Variants in HELZ observed in about 807,000 individuals in gnomAD.
HELZ encodes helicase with zinc finger.
A neutral mutation model predicts 218.2 loss-of-function variants in HELZ; 23 were observed. The observed-to-expected ratio is 0.11, with a 90% CI of 0.08 to 0.15. The LOEUF is 0.15. HELZ is among the 10% of genes least tolerant of loss of function. HELZ has a pLI of 1.00. For missense variants in HELZ, 1,813 were observed against 2,353.7 expected, an observed-to-expected ratio of 0.77 and a Z score of 4.75; for synonymous variants, 814 against 829.4, an observed-to-expected ratio of 0.98 and a Z score of 0.32.
upstream of HELZ, chr17:67,245,909 T>G (rs976013409): frequency 3.3e-5 from 5 of 152,048 alleles, no homozygotes; most frequent in Non-Finnish European, 7.3e-5. Context: ...GGAATGTGGC[T>G]CCAGGCTCCG....
chr17:67,142,343 C>T (rs2038352394), intron 21 of HELZ, among the ~76,000 whole-genome samples: 1 of 151,894 alleles, frequency 6.6e-6, no homozygotes, highest in Non-Finnish European at 1.5e-5. Context: ...TCCATCTCTA[C>T]AAAAAATACA....
chr17:67,167,514 T>C lies in HELZ; in HGVS notation c.1713A>G (p.Leu571=), dbSNP rs781626564. The part of the protein sequence containing the change: ...EKTKEYIFLR[L]SRECCEELNL... ...TAAGTTCTTCACAGCATTCCCTAGA[T>C]AGCCTTAAAAATATATATTCCTTTG... is the stretch of plus-strand genomic sequence containing the variant. Residue 571 remains leucine, a synonymous_variant, in exon 14 of 33, where the codon CTA becomes CTG. Transcript: ENST00000358691. The C allele has an allele frequency of 9.3e-6, 15 of 1,613,804 alleles. No individual in the cohort carries two copies. The highest frequency in any genetic ancestry group is 1.3e-5 in the African/African-American group (1 of 74,928).
chr17:67,176,934 G>A (rs1403200608), intron 13 of HELZ, among the ~76,000 whole-genome samples: 1 of 151,392 alleles, frequency 6.6e-6, no homozygotes, highest in Admixed American at 6.6e-5. Context: ...GGCTTTGAAA[G>A]CCTTCGCAAG....
intron 31 of HELZ, among the ~76,000 whole-genome samples, chr17:67,092,837 T>C (rs1459035791): frequency 6.7e-6 from 1 of 149,606 alleles, no homozygotes. Context: ...TGGTGGCGGG[T>C]GACTGTAATC....
chr17:67,200,035 C>G (rs1567885543), intron 7 of HELZ, among the ~76,000 whole-genome samples: 1 of 152,142 alleles, frequency 6.6e-6, no homozygotes, highest in African/African-American at 2.4e-5. Flanking sequence ...TGTTGTCTAT[C>G]TCCTTCCTAA....
intron 4 of HELZ, among the ~76,000 whole-genome samples, chr17:67,216,715 C>A (rs938307965): frequency 6.6e-6 from 1 of 152,146 alleles, no homozygotes; most frequent in Non-Finnish European, 1.5e-5. Flanking sequence ...CAGTGACCTC[C>A]ACTGCATCCA....
intron 5 of HELZ, among the ~76,000 whole-genome samples, chr17:67,205,273 C>G (rs545167810): frequency 6.6e-6 from 1 of 151,798 alleles, no homozygotes; most frequent in South Asian, 2.1e-4. Flanking sequence ...TTGCAGTGAG[C>G]CAAGATCGTA....
Position 67,237,948 on chromosome 17 carries a change from A to G in HELZ, c.-19+1485T>C, listed in dbSNP as rs554829332. 2.7e-5 allele frequency among the ~76,000 whole-genome samples: 4 copies of G among 149,914 alleles called. No homozygotes were observed. In the South Asian group the frequency reaches 6.3e-4, roughly 24 times the overall value. ...GGTTACAGTGAGCTGAGATCGCCCC[A>G]TTGCACTCCAGCCTGGGCAACAAAA... On this transcript the variant is annotated intron_variant, in intron 3 of 32. Coordinates refer to ENST00000358691, the MANE Select transcript of HELZ (RefSeq NM_014877.4).
intron 24 of HELZ, 138 bp downstream of exon 24, chr17:67,128,513 C>T: frequency 1.4e-6 from 1 of 732,404 alleles, no homozygotes; most frequent in South Asian, 1.6e-5. Flanking sequence ...ACTAAACAAG[C>T]TCCTTGCAGA....
At chr17:67,211,169 T>C (rs906597989) in intron 5 of HELZ, among the ~76,000 whole-genome samples, 5 of 152,168 alleles carry the variant, frequency 3.3e-5, no homozygotes, top group African/African-American at 9.7e-5. Context: ...TTTACTCTTA[T>C]TGAAGCAGAA....
rs749334847 is a variant in HELZ, at chr17:67,190,302, G to C, written c.611C>G (p.Ser204Cys). The C allele has an allele frequency of 1.2e-6, 2 of 1,613,930 alleles. No homozygotes were observed. Among genetic ancestry groups the C allele is most frequent in the Admixed American group, 3.3e-5 (2 of 60,014 alleles). The change falls in exon 10 of 33, where the codon TCC becomes TGC. Residue 204 changes from serine (S) to cysteine (C), a missense_variant. Physicochemically the swap from Ser to Cys is moderately radical, Grantham distance 112 (BLOSUM62 -1). Around this residue, in one of 4 missense-constraint regions of HELZ, gnomAD observed 714 missense variants for 1,029.2 expected, o/e 0.69. Transcript: ENST00000358691. ...RYGAQCTSAHSQEELAEWQKR... is the reference protein window; with the variant it reads ...RYGAQCTSAHCQEELAEWQKR... ...CTGCCATTCTGCTAGTTCTTCCTGG[G>C]AATGTGCTGAAGTACACTGGGCACC...
intron 5 of HELZ, among the ~76,000 whole-genome samples, chr17:67,209,426 C>T (rs374326946): frequency 2.0e-5 from 3 of 151,886 alleles, no homozygotes; most frequent in Non-Finnish European, 2.9e-5. Flanking sequence ...GGTGAAACCC[C>T]GTCACTACTA....
At chr17:67,084,144 C>T (rs895010057) in intron 32 of HELZ, among the ~76,000 whole-genome samples, 5 of 152,174 alleles carry the variant, frequency 3.3e-5, no homozygotes, top group Admixed American at 6.5e-5. Context: ...AGTTGTGCTT[C>T]AGGACACTCG....
chr17:67,156,981 TA>T (rs2038861698), intron 17 of HELZ, among the ~76,000 whole-genome samples: 1 of 152,254 alleles, frequency 6.6e-6, no homozygotes, highest in East Asian at 1.9e-4. Context: ...TGATGATAAG[TA>T]AGCTTTTGCT....
chr17:67,120,460 T>C lies in HELZ; in HGVS notation c.3783A>G (p.Ile1261Met), dbSNP rs371580061. The change falls in exon 27 of 33, where the codon ATA becomes ATG. Residue 1261 changes from isoleucine (I) to methionine (M), a missense_variant. Coordinates refer to ENST00000358691, the MANE Select transcript of HELZ (RefSeq NM_014877.4). ...CCTGATGCTGATTTTGTGGCTGGCC[T>C]ATGGTGACAGGTGGGTGATGTCCAA... ...YGLGHHPPVT[I>M]GQPQNQHQEK... is the part of the protein sequence containing the mutation. 2.7e-5 allele frequency: 43 copies of C among 1,613,948 alleles called. No homozygotes were observed. In the African/African-American group the frequency reaches 5.1e-4, roughly 19 times the overall value.
At chr17:67,137,831 C>T in intron 22 of HELZ, 100 bp downstream of exon 22, 1 of 866,374 alleles carries the variant, frequency 1.2e-6, no homozygotes, top group African/African-American at 1.7e-5. Flanking sequence ...GAAATGAACA[C>T]ATAACTTCAG....
chr17:67,108,060 A>T lies in HELZ; in HGVS notation c.4725-375T>A, dbSNP rs555089253. ...AACAAGCTTAGAGTTAGGACCAAATACTCATATGTAGCTGGAATTATAGGA... is the reference window on the plus strand; with the variant it reads ...AACAAGCTTAGAGTTAGGACCAAATTCTCATATGTAGCTGGAATTATAGGA... On this transcript the variant is annotated intron_variant, in intron 30 of 32. Coordinates refer to ENST00000358691, the MANE Select transcript of HELZ (RefSeq NM_014877.4). The surrounding 1 kb of genome is among the most constrained non-coding windows in gnomAD (Gnocchi z 4.1). 6.6e-6 allele frequency among the ~76,000 whole-genome samples: 1 copy of T among 152,288 alleles called. No individual in the cohort carries two copies. Among genetic ancestry groups the T allele is most frequent in the Admixed American group, 6.5e-5 (1 of 15,294 alleles).
At chr17:67,232,691 T>A (rs1001406540) in intron 3 of HELZ, among the ~76,000 whole-genome samples, 5 of 152,210 alleles carry the variant, frequency 3.3e-5, no homozygotes, top group African/African-American at 1.2e-4. Flanking sequence ...TACTTTTGCT[T>A]CACTATAATT....
chr17:67,240,755 C>T (rs1452294284), intron 2 of HELZ, among the ~76,000 whole-genome samples: 1 of 152,172 alleles, frequency 6.6e-6, no homozygotes, highest in Non-Finnish European at 1.5e-5. Flanking sequence ...TATATGTATA[C>T]ACTCTGCTTT....
Sources: gnomAD v4.1 joint callset for allele counts (sites outside exome capture counted in the v4.1 genomes callset) on GRCh38, gnomAD v4.1.1 for gene constraint, gnomAD v4.1.1 regional missense constraint, Gnocchi (gnomAD v3.1) non-coding constraint, MANE v1.5 for transcripts, NCBI Gene and HGNC (gene_info 2026-07-23, HGNC 2026-07-21) for gene names.